Variants in SGCZ observed in about 807,000 individuals in gnomAD.
SGCZ encodes the protein zeta-sarcoglycan.
In SGCZ, 40 loss-of-function variants were observed where a neutral mutation model predicts 41.3. The observed-to-expected ratio is 0.97, with a 90% confidence interval of 0.75 to 1.26. The LOEUF is 1.26. Among genes scored for constraint, SGCZ ranks in the 50% most tolerant of loss-of-function variants. The pLI, the probability that SGCZ is intolerant of heterozygous loss-of-function variation, is 0.00. For missense variants in SGCZ, 552 were observed against 369.8 expected (o/e 1.49, Z -4.04); for synonymous variants, 206 against 137.5 (o/e 1.50, Z -3.49).
chr8:14,595,833 T>C (rs967027311), intron 1 of SGCZ, among the ~76,000 whole-genome samples: 7 of 152,212 alleles, frequency 4.6e-5, no homozygotes, highest in African/African-American at 1.4e-4. Context: ...TGTCGCATTT[T>C]TAAGAATGCA....
chr8:14,840,605 A>G (rs980488939), intron 1 of SGCZ, among the ~76,000 whole-genome samples: 3 of 152,116 alleles, frequency 2.0e-5, no homozygotes, highest in Non-Finnish European at 2.9e-5. Context: ...ACCAAGTCTC[A>G]TTTCTCCAAA....
At position 14,251,894 on chromosome 8, in the gene SGCZ, G is replaced by C. The variant is rs183724457; in HGVS notation, c.337-14215C>G. On this transcript the variant is annotated intron_variant, in intron 3 of 7. Transcript: ENST00000382080. ...CCACCTAATTTTTGTACTTTTAGTA[G>C]AGACGGGGTTTTGCAATGTTGGCCA... is the stretch of plus-strand genomic sequence containing the variant. Among the ~76,000 whole-genome samples, 587 of 152,168 alleles carry C rather than the reference G, an allele frequency of 3.9e-3. 5 individuals are homozygous for C. Among genetic ancestry groups the C allele is most frequent in the African/African-American group, 0.013 (551 of 41,516 alleles).
intron 1 of SGCZ, among the ~76,000 whole-genome samples, chr8:15,037,682 C>T (rs907432067): frequency 3.4e-4 from 52 of 152,116 alleles, no homozygotes; most frequent in African/African-American, 1.2e-3. Context: ...AGAAGTTAAA[C>T]TGTCCCTGTT....
intron 1 of SGCZ, among the ~76,000 whole-genome samples, chr8:14,616,968 T>A (rs547543688): frequency 6.6e-6 from 1 of 152,252 alleles, no homozygotes; most frequent in East Asian, 1.9e-4. Context: ...CCATTTCTTT[T>A]CTGAGTTTTC....
intron 1 of SGCZ, among the ~76,000 whole-genome samples, chr8:14,973,376 G>A (rs1405639437): frequency 1.3e-5 from 2 of 152,026 alleles, no homozygotes; most frequent in African/African-American, 4.8e-5. Flanking sequence ...TTTCCTTGCT[G>A]GTTGGTAAAG....
chr8:14,382,161 T>C (rs1184701609), intron 2 of SGCZ, among the ~76,000 whole-genome samples: 1 of 151,412 alleles, frequency 6.6e-6, no homozygotes, highest in African/African-American at 2.4e-5. Flanking sequence ...AAATTTTTTC[T>C]GCTAAACCAG....
chr8:14,886,095 A>C (rs2130733419), intron 1 of SGCZ, among the ~76,000 whole-genome samples: 1 of 146,836 alleles, frequency 6.8e-6, no homozygotes, highest in Non-Finnish European at 1.5e-5. Context: ...GTTATTACAA[A>C]GTTTGACCAC....
At chr8:14,125,906 G>C (rs1802840879) in intron 5 of SGCZ, among the ~76,000 whole-genome samples, 2 of 152,158 alleles carry the variant, frequency 1.3e-5, no homozygotes, top group Non-Finnish European at 2.9e-5. Flanking sequence ...GGTTGGTGCT[G>C]GGAAAACTGG....
intron 1 of SGCZ, among the ~76,000 whole-genome samples, chr8:15,152,511 C>T (rs948249402): frequency 6.6e-6 from 1 of 152,178 alleles, no homozygotes; most frequent in East Asian, 1.9e-4. Flanking sequence ...AAGCTCCAAA[C>T]TACAGATGTC....
chr8:14,993,999 C>G lies in SGCZ; in HGVS notation c.39+243586G>C, dbSNP rs570144880. Among the ~76,000 whole-genome samples the G allele has an allele frequency of 1.5e-3, 221 of 152,296 alleles. 3 individuals carry two copies. Among genetic ancestry groups the G allele is most frequent in the Admixed American group, 0.014 (212 of 15,306 alleles). ...AAGACCATTTGGTAGGATACGGCAG[C>G]AATCCAGCTGAGAATACATTGGGGG... On this transcript the variant is annotated intron_variant, in intron 1 of 7. Coordinates refer to ENST00000382080, the MANE Select transcript of SGCZ (RefSeq NM_139167.4).
At chr8:14,460,732 G>C (rs1235599878) in intron 2 of SGCZ, among the ~76,000 whole-genome samples, 9 of 152,138 alleles carry the variant, frequency 5.9e-5, no homozygotes, top group Non-Finnish European at 1.2e-4. Context: ...TGTGTGTAGT[G>C]TTTCAAAAGG....
At chr8:14,533,045 G>A (rs901609016) in intron 2 of SGCZ, among the ~76,000 whole-genome samples, 1 of 151,968 alleles carries the variant, frequency 6.6e-6, no homozygotes, top group South Asian at 2.1e-4. Context: ...TGCACAAGGT[G>A]CAGGTTTGTT....
At chr8:14,501,981 T>G (rs1012010991) in intron 2 of SGCZ, among the ~76,000 whole-genome samples, 1 of 152,098 alleles carries the variant, frequency 6.6e-6, no homozygotes, top group African/African-American at 2.4e-5. Flanking sequence ...TCCATAATCA[T>G]TTGACAGGAT....
At chr8:14,956,487 C>T (rs984784612) in intron 1 of SGCZ, among the ~76,000 whole-genome samples, 1 of 152,024 alleles carries the variant, frequency 6.6e-6, no homozygotes, top group African/African-American at 2.4e-5. Context: ...ATTTTTATAA[C>T]ACTTGCCTTC....
chr8:15,186,262 C>CAAAAAAAAAAAAAAAAAAAAAA (rs61237091), intron 1 of SGCZ, among the ~76,000 whole-genome samples: 2 of 80,714 alleles, frequency 2.5e-5, no homozygotes, highest in East Asian at 3.1e-4. Context: ...GATTCCGTAC[C>CAAAAAAAAAAAAAAAAAAAAAA]AAAAAAAAAA....
chr8:15,214,558 G>GT (rs1801338559), intron 1 of SGCZ, among the ~76,000 whole-genome samples: 2 of 152,022 alleles, frequency 1.3e-5, no homozygotes, highest in South Asian at 4.1e-4. Context: ...CCTCTGCACT[G>GT]TTTCTAATTG....
At chr8:14,768,381 G>A (rs994087273) in intron 1 of SGCZ, among the ~76,000 whole-genome samples, 1 of 152,142 alleles carries the variant, frequency 6.6e-6, no homozygotes, top group African/African-American at 2.4e-5. Flanking sequence ...TAGTGATAAT[G>A]AACTGAAACA....
At chr8:14,429,480 G>C (rs551907156) in intron 2 of SGCZ, among the ~76,000 whole-genome samples, 10 of 152,296 alleles carry the variant, frequency 6.6e-5, no homozygotes, top group African/African-American at 2.2e-4. Context: ...AGTGAGATGA[G>C]ATGAGGTTAA....
intron 1 of SGCZ, among the ~76,000 whole-genome samples, chr8:15,196,969 T>C (rs1468136965): frequency 6.6e-6 from 1 of 152,216 alleles, no homozygotes; most frequent in Non-Finnish European, 1.5e-5. Flanking sequence ...CTGTATTATT[T>C]ACATGGTGGT....
Sources: gnomAD v4.1 joint callset for allele counts (sites outside exome capture counted in the v4.1 genomes callset) on GRCh38, gnomAD v4.1.1 for gene constraint, MANE v1.5 for transcripts, NCBI Gene and HGNC (gene_info 2026-07-23, HGNC 2026-07-21) for gene names.